The following ZNF44 variants were observed in gnomAD, a reference collection of about 807,000 sequenced individuals.
The protein encoded by ZNF44 is gonadotropin inducible transcription repressor-2.
In ZNF44, 9 loss-of-function variants were observed where a neutral mutation model predicts 11.7. The observed-to-expected ratio is 0.77, with a 90% CI of 0.46 to 1.35. The LOEUF is 1.35. Ranked by LOEUF, ZNF44 falls within the 40% of genes most tolerant of loss-of-function variation. ZNF44 has a pLI of 0.00. For missense variants in ZNF44, 696 were observed against 743.1 expected (o/e 0.94, Z 0.74); for synonymous variants, 224 against 242.7 (o/e 0.92, Z 0.72).
intron 1 of ZNF44, among the ~76,000 whole-genome samples, chr19:12,287,374 C>T (rs996241948): frequency 6.6e-6 from 1 of 152,148 alleles, no homozygotes; most frequent in African/African-American, 2.4e-5. Context: ...GCCACCACGC[C>T]TGGCTAATTT....
chr19:12,260,325 T>C (rs1599510775), intron 5 of ZNF44: 1 of 905,260 alleles, frequency 1.1e-6, no homozygotes, highest in Non-Finnish European at 1.8e-6. Flanking sequence ...GAAGCAGAGA[T>C]CCGGCCAGCC....
downstream of ZNF44, among the ~76,000 whole-genome samples, chr19:12,243,833 CTT>C (rs1234407810): frequency 2.0e-5 from 3 of 152,014 alleles, no homozygotes; most frequent in Non-Finnish European, 4.4e-5. Context: ...ACTAATCTCT[CTT>C]GATAGTACCC....
chr19:12,271,144 T>C (rs1480066711), downstream of ZNF44, among the ~76,000 whole-genome samples: 1 of 152,196 alleles, frequency 6.6e-6, no homozygotes, highest in Non-Finnish European at 1.5e-5. Context: ...GCAGCAGATC[T>C]TGGGGCATCT....
chr19:12,276,573 T>G (rs1967229589), intron 1 of ZNF44, among the ~76,000 whole-genome samples: 2 of 152,110 alleles, frequency 1.3e-5, no homozygotes, highest in Non-Finnish European at 2.9e-5. Context: ...TGTGTAAAAA[T>G]TATGGTATTT....
chr19:12,277,949 G>C (rs1165106703), intron 1 of ZNF44, among the ~76,000 whole-genome samples: 1 of 152,198 alleles, frequency 6.6e-6, no homozygotes, highest in Non-Finnish European at 1.5e-5. Flanking sequence ...GACAACACAA[G>C]ATGACTAAGA....
upstream of ZNF44, among the ~76,000 whole-genome samples, chr19:12,240,444 C>CAAAAA (rs56300338): frequency 5.9e-5 from 6 of 102,362 alleles, no homozygotes; most frequent in South Asian, 7.0e-4. Flanking sequence ...GATTCTATCT[C>CAAAAA]AAAAAAAAAA....
intron 2 of ZNF44, among the ~76,000 whole-genome samples, chr19:12,234,057 G>A (rs1429409869): frequency 1.6e-4 from 22 of 141,602 alleles, no homozygotes; most frequent in Admixed American, 7.1e-5. Flanking sequence ...GTGAGACTCT[G>A]TCTTAAAAAA....
At chr19:12,239,434 T>TA (rs1275532854), upstream of ZNF44, among the ~76,000 whole-genome samples, 59 of 118,238 alleles carry the variant, frequency 5.0e-4, no homozygotes, top group African/African-American at 2.4e-3. Flanking sequence ...TTTTTTTTTT[T>TA]AAACAAGATG....
chr19:12,284,513 G>C, intron 1 of ZNF44: 2 of 687,126 alleles, frequency 2.9e-6, no homozygotes, highest in Admixed American at 1.9e-5. Context: ...TGGGCTGCCT[G>C]GTCAAGGACA....
intron 1 of ZNF44, among the ~76,000 whole-genome samples, chr19:12,278,317 C>A (rs1231680087): frequency 1.3e-5 from 2 of 152,192 alleles, no homozygotes; most frequent in African/African-American, 4.8e-5. Context: ...AGAAACAACG[C>A]TTATCACTGG....
chr19:12,294,862 C>G lies in ZNF44; in HGVS notation c.-168G>C. 1 of 721,362 alleles carries G rather than the reference C, an allele frequency of 1.4e-6. No individual in the cohort carries two copies. The highest frequency in any genetic ancestry group is 2.1e-6 in the Non-Finnish European group (1 of 467,810). The allele number at this position is 721,362 out of a possible 1,614,324, so 44.7% of individuals were successfully genotyped here. A position where few individuals can be genotyped will look rare whatever the true frequency, so the allele number is the denominator to read the frequency against. On this transcript the variant is annotated 5_prime_UTR_variant, in exon 1 of 4. Transcript: ENST00000355684. ...AGCTCCTGGAACGTCACACCCTCCT[C>G]TCTGCCTCGCGCCTGATTGACAATT...
downstream of ZNF44, among the ~76,000 whole-genome samples, chr19:12,269,784 C>T (rs1402780464): frequency 6.6e-6 from 1 of 152,124 alleles, no homozygotes; most frequent in Non-Finnish European, 1.5e-5. Context: ...CCCCAATGAG[C>T]ACTGGGATGA....
In ZNF44 at chr19:12,234,061, T is replaced by TAA. The variant is rs76369228; in HGVS notation, n.380+604_380+605dup. 2.4e-3 allele frequency among the ~76,000 whole-genome samples: 315 copies of TAA among 133,486 alleles called. 7 individuals are homozygous for TAA. In the East Asian group the frequency reaches 0.048, roughly 20 times the overall value. 87.6% of individuals were successfully genotyped at this position (133,486 alleles called of 152,430 possible). ...TGGGGGACAGAGTGAGACTCTGTCT[T>TAA]AAAAAAAAAAAAAAAAATGACAAGC... On this transcript the variant is annotated intron_variant and non_coding_transcript_variant, in intron 2 of 3. Coordinates refer to the ZNF44 transcript ENST00000597563.
rs1241986304 is a variant in ZNF44 at position 12,293,323 on chromosome 19, T to C, written c.3+1369A>G. The C allele has an allele frequency of 7.2e-6, 11 of 1,536,948 alleles. No homozygotes were observed. Among genetic ancestry groups the C allele is most frequent in the African/African-American group, 2.7e-5 (2 of 73,138 alleles). On this transcript the variant is annotated intron_variant, in intron 1 of 3. Coordinates refer to ENST00000355684, the MANE Select transcript of ZNF44 (RefSeq NM_016264.4). ...GATATCCACTAGGCCCTCCATGAGA[T>C]TGGCAGCTTCCAGCATCTTAGGGTA...
At chr19:12,235,866 C>G (rs1222002622) in intron 1 of ZNF44, among the ~76,000 whole-genome samples, 1 of 152,130 alleles carries the variant, frequency 6.6e-6, no homozygotes. Context: ...AGGGACAGAT[C>G]ACCCTATAAA....
intron 3 of ZNF44, among the ~76,000 whole-genome samples, chr19:12,229,411 T>TC (rs1916062726): frequency 6.6e-6 from 1 of 152,174 alleles, no homozygotes; most frequent in African/African-American, 2.4e-5. Flanking sequence ...TTTTCTGTTT[T>TC]CCCAAGGGAT....
chr19:12,257,684 C>T (rs1387098358), intron 5 of ZNF44, among the ~76,000 whole-genome samples: 1 of 151,516 alleles, frequency 6.6e-6, no homozygotes, highest in Non-Finnish European at 1.5e-5. Context: ...GCCTGTAATC[C>T]CAGCTACCTG....
intron 1 of ZNF44, chr19:12,237,018 G>A (rs1916416613): frequency 6.6e-6 from 1 of 152,230 alleles, no homozygotes; most frequent in Non-Finnish European, 1.5e-5. Context: ...ACAAGCCATG[G>A]TTGGGTTATT....
At chr19:12,247,695 G>A in exon 8 of ZNF44, 4 of 1,353,314 alleles carry the variant, frequency 3.0e-6, no homozygotes, top group Non-Finnish European at 3.9e-6. Flanking sequence ...ACATTTGTAG[G>A]GTTTCTCTCC....
Sources: gnomAD v4.1 joint callset for allele counts (sites outside exome capture counted in the v4.1 genomes callset) on GRCh38, gnomAD v4.1.1 for gene constraint, MANE v1.5 for transcripts, NCBI Gene and HGNC (gene_info 2026-07-23, HGNC 2026-07-21) for gene names.